Variants in GULP1 observed in about 807,000 individuals in gnomAD.
GULP1 encodes GULP PTB domain containing engulfment adaptor 1.
A neutral mutation model predicts 40.9 loss-of-function variants in GULP1; 19 were observed. The observed-to-expected ratio is 0.46, with a 90% CI of 0.32 to 0.68. The LOEUF (loss-of-function observed/expected upper bound fraction) is 0.68, where lower values mean the gene tolerates loss of function less well. Among genes scored for constraint, GULP1 ranks in the 30% least tolerant of loss-of-function variants. The pLI is 0.03. For synonymous variants in GULP1, 119 were observed against 117.6 expected (o/e 1.01, Z -0.08); for missense variants, 312 against 362.2 (o/e 0.86, Z 1.12).
At chr2:188,465,723 A>G (rs1408526237) in intron 2 of GULP1, among the ~76,000 whole-genome samples, 1 of 152,078 alleles carries the variant, frequency 6.6e-6, no homozygotes, top group African/African-American at 2.4e-5. Context: ...TCTGCTATTA[A>G]CAAGGGCAGC....
intron 10 of GULP1, among the ~76,000 whole-genome samples, chr2:188,587,103 A>G (rs148620367): frequency 6.6e-6 from 1 of 152,158 alleles, no homozygotes; most frequent in East Asian, 1.9e-4. Flanking sequence ...AAATTTCTTA[A>G]GAATTTTTTA....
intron 2 of GULP1, among the ~76,000 whole-genome samples, chr2:188,449,728 C>T (rs2152912152): frequency 6.6e-6 from 1 of 152,290 alleles, no homozygotes. Flanking sequence ...GATTCAGCAT[C>T]TTGGAATCAT....
At chr2:188,320,639 AT>A (rs1405235900) in intron 1 of GULP1, among the ~76,000 whole-genome samples, 65 of 152,314 alleles carry the variant, frequency 4.3e-4, no homozygotes, top group African/African-American at 1.4e-3. Context: ...GTTAAAAAAA[AT>A]AAAACAAACA....
At chr2:188,587,818 T>C in intron 10 of GULP1, 37 bp from the exon 11 acceptor site, 4 of 1,126,576 alleles carry the variant, frequency 3.6e-6, no homozygotes, top group Non-Finnish European at 5.4e-6. Flanking sequence ...GCTCACTTCT[T>C]GTTATTTCAT....
chr2:188,458,647 T>C (rs1316358398), intron 2 of GULP1, among the ~76,000 whole-genome samples: 1 of 152,166 alleles, frequency 6.6e-6, no homozygotes, highest in Non-Finnish European at 1.5e-5. Context: ...AGGCTATCCA[T>C]CCCTTCAAGC....
intron 1 of GULP1, among the ~76,000 whole-genome samples, chr2:188,302,803 A>G (rs1172007019): frequency 6.6e-6 from 1 of 152,112 alleles, no homozygotes; most frequent in East Asian, 1.9e-4. Flanking sequence ...CTCTATATCT[A>G]ATGAGGGTCC....
intron 2 of GULP1, among the ~76,000 whole-genome samples, chr2:188,399,710 A>AC (rs1312847566): frequency 6.0e-5 from 9 of 150,416 alleles, no homozygotes; most frequent in Non-Finnish European, 8.9e-5. Context: ...AAAAAAAAAA[A>AC]AAAACATCAA....
At chr2:188,540,864 A>T (rs1189557394) in intron 6 of GULP1, among the ~76,000 whole-genome samples, 1 of 152,088 alleles carries the variant, frequency 6.6e-6, no homozygotes, top group Non-Finnish European at 1.5e-5. Context: ...CTCCTCTGTA[A>T]ACATGCAAAG....
At chr2:188,505,373 A>G (rs2063802105) in intron 4 of GULP1, among the ~76,000 whole-genome samples, 1 of 151,772 alleles carries the variant, frequency 6.6e-6, no homozygotes, top group South Asian at 2.1e-4. Flanking sequence ...TCCTCTCTGT[A>G]TTGAAATCAT....
At chr2:188,379,081 G>A (rs2048681669) in intron 1 of GULP1, among the ~76,000 whole-genome samples, 1 of 151,970 alleles carries the variant, frequency 6.6e-6, no homozygotes, top group African/African-American at 2.4e-5. Flanking sequence ...ACTAATTTCA[G>A]CAAAAAGAGT....
chr2:188,364,083 C>G (rs1366715149), intron 1 of GULP1, among the ~76,000 whole-genome samples: 1 of 152,092 alleles, frequency 6.6e-6, no homozygotes, highest in African/African-American at 2.4e-5. Context: ...ACTTGCTGAC[C>G]TCCCTCTGTG....
At chr2:188,440,003 T>G (rs1042720802) in intron 2 of GULP1, among the ~76,000 whole-genome samples, 6 of 152,126 alleles carry the variant, frequency 3.9e-5, no homozygotes, top group African/African-American at 1.2e-4. Context: ...TCTAAATAAT[T>G]CAAAAGTGAG....
At chr2:188,297,284 G>A (rs2035174921) in intron 1 of GULP1, among the ~76,000 whole-genome samples, 1 of 151,828 alleles carries the variant, frequency 6.6e-6, no homozygotes. Context: ...GCATACTCAT[G>A]GAAGCCCTTT....
chr2:188,315,839 A>G (rs193116709), intron 1 of GULP1, among the ~76,000 whole-genome samples: 4 of 152,236 alleles, frequency 2.6e-5, no homozygotes, highest in African/African-American at 7.2e-5. Context: ...AGTTATATGA[A>G]TGCTCCCTCT....
chr2:188,403,177 G>A (rs1008561614), intron 2 of GULP1, among the ~76,000 whole-genome samples: 1 of 151,880 alleles, frequency 6.6e-6, no homozygotes, highest in Non-Finnish European at 1.5e-5. Context: ...CTACACTTTT[G>A]TACCCTAAGT....
At chr2:188,355,117 A>G (rs2045103676) in intron 1 of GULP1, among the ~76,000 whole-genome samples, 1 of 152,186 alleles carries the variant, frequency 6.6e-6, no homozygotes, top group Non-Finnish European at 1.5e-5. Flanking sequence ...AAACAACCTA[A>G]TGATGCAACT....
At chr2:188,485,568 A>C (rs2061793568) in intron 4 of GULP1, among the ~76,000 whole-genome samples, 1 of 151,942 alleles carries the variant, frequency 6.6e-6, no homozygotes, top group East Asian at 1.9e-4. Flanking sequence ...ATGCCACTTG[A>C]AAACCAAATC....
At chr2:188,570,405 G>A (rs982437905) in intron 9 of GULP1, among the ~76,000 whole-genome samples, 1 of 151,962 alleles carries the variant, frequency 6.6e-6, no homozygotes, top group African/African-American at 2.4e-5. Context: ...TCTCTTTGTG[G>A]CATATTCTTC....
intron 2 of GULP1, among the ~76,000 whole-genome samples, chr2:188,462,852 CAACTT>C (rs1439530700): frequency 3.3e-5 from 5 of 152,068 alleles, no homozygotes; most frequent in African/African-American, 1.2e-4. Flanking sequence ...AAGCTGATAA[CAACTT>C]AACATCATTT....
Sources: allele counts gnomAD v4.1 joint callset (sites outside exome capture counted in the v4.1 genomes callset), GRCh38; gene constraint gnomAD v4.1.1; transcripts MANE v1.5; gene names NCBI Gene and HGNC (gene_info 2026-07-23, HGNC 2026-07-21).